The following RPS6KA2 variants were observed in gnomAD, a reference collection of about 807,000 sequenced individuals.
RPS6KA2 encodes ribosomal protein S6 kinase alpha-2.
A neutral mutation model predicts 91.8 loss-of-function variants in RPS6KA2; 42 were observed. The observed-to-expected ratio is 0.46, with a 90% CI of 0.36 to 0.59. RPS6KA2 has a LOEUF of 0.59. Among genes scored for constraint, RPS6KA2 ranks in the 20% least tolerant of loss-of-function variants. The pLI, the probability that RPS6KA2 is intolerant of heterozygous loss-of-function variation, is 0.00. For missense variants in RPS6KA2, 798 were observed against 978.5 expected, an observed-to-expected ratio of 0.82 and a Z score of 2.46; for synonymous variants, 414 against 393.6, an observed-to-expected ratio of 1.05 and a Z score of -0.61.
chr6:166,445,431 C>T lies in RPS6KA2; in HGVS notation c.1332+3293G>A, dbSNP rs184330830. 2.0e-5 allele frequency among the ~76,000 whole-genome samples: 3 copies of T among 152,196 alleles called. No individual in the cohort carries two copies. Among genetic ancestry groups the T allele is most frequent in the South Asian group, 2.1e-4 (1 of 4,832 alleles). ...GCTGAGGCTGGGCTTCTCAACCTTTCGTTGGGGCAGCAGGTTGTGGGGGCT... is the reference window on the plus strand; with the variant it reads ...GCTGAGGCTGGGCTTCTCAACCTTTTGTTGGGGCAGCAGGTTGTGGGGGCT... On this transcript the variant is annotated intron_variant, in intron 14 of 20. Coordinates refer to ENST00000265678, the MANE Select transcript of RPS6KA2 (RefSeq NM_021135.6). This position sits in a 1 kb window ranked among gnomAD's most constrained non-coding sequence, Gnocchi z 4.5.
intron 3 of RPS6KA2, among the ~76,000 whole-genome samples, chr6:166,521,362 C>T (rs571041436): frequency 1.3e-5 from 2 of 152,224 alleles, no homozygotes; most frequent in Non-Finnish European, 2.9e-5. Context: ...ACCGCCAACT[C>T]GTTATGTCCA....
intron 16 of RPS6KA2, among the ~76,000 whole-genome samples, chr6:166,424,521 C>T (rs548022658): frequency 4.6e-5 from 7 of 152,322 alleles, no homozygotes; most frequent in Admixed American, 3.9e-4. Flanking sequence ...TGATACGGTG[C>T]AGCTGCCTCC....
At chr6:166,642,873 CTCAGTG>C (rs1787488740) in intron 2 of RPS6KA2, among the ~76,000 whole-genome samples, 1 of 152,218 alleles carries the variant, frequency 6.6e-6, no homozygotes. Context: ...CAGGCCATTG[CTCAGTG>C]TCACATTTGC....
At chr6:166,520,966 A>T (rs568255020) in intron 3 of RPS6KA2, among the ~76,000 whole-genome samples, 2 of 152,240 alleles carry the variant, frequency 1.3e-5, no homozygotes, top group Non-Finnish European at 2.9e-5. Context: ...AGTAGGGGCC[A>T]CTGGTGCCTG....
intron 9 of RPS6KA2, 100 bp from the exon 10 acceptor site, chr6:166,489,021 C>T (rs1463577832): frequency 1.0e-6 from 1 of 969,700 alleles, no homozygotes; most frequent in East Asian, 2.6e-5. Context: ...TCGCAGTCAC[C>T]CAGAGCAGCC....
At chr6:166,855,791 A>G (rs1780883855) in intron 2 of RPS6KA2, among the ~76,000 whole-genome samples, 1 of 152,236 alleles carries the variant, frequency 6.6e-6, no homozygotes, top group African/African-American at 2.4e-5. Flanking sequence ...CTTCCCACAA[A>G]TACTGCAAAT....
At chr6:166,487,077 C>T (rs186471957) in intron 10 of RPS6KA2, among the ~76,000 whole-genome samples, 111 of 152,304 alleles carry the variant, frequency 7.3e-4, no homozygotes, top group Non-Finnish European at 8.8e-4. Flanking sequence ...GGAAGACCTT[C>T]GGCAAACACC....
At chr6:166,862,484 G>A in exon 1 of RPS6KA2, 2 of 785,062 alleles carry the variant, frequency 2.5e-6, no homozygotes, top group Non-Finnish European at 3.6e-6. Flanking sequence ...AGGAGGGGAC[G>A]GCGCTGCGGC....
chr6:166,858,216 T>G, exon 2 of RPS6KA2: 1 of 1,538,868 alleles, frequency 6.5e-7, no homozygotes, highest in Non-Finnish European at 9.0e-7. Flanking sequence ...TGCAGTGTCT[T>G]CTGTGGTGGG....
Position 166,459,573 on chromosome 6 carries a change from G to A in RPS6KA2, c.973-22C>T. On this transcript the variant is annotated intron_variant, in intron 11 of 20. Coordinates refer to ENST00000265678, the MANE Select transcript of RPS6KA2 (RefSeq NM_021135.6). The surrounding 1 kb of genome is among the most constrained non-coding windows in gnomAD (Gnocchi z 4.9). ...GCGTCTATTAATACAAGGAAAGCAA[G>A]ACAGGGCACTGAGGATGCACAGACA... 6.4e-7 allele frequency: 1 copy of A among 1,565,698 alleles called. No homozygotes were observed.
chr6:166,587,197 A>C (rs1345640374), intron 1 of RPS6KA2, among the ~76,000 whole-genome samples: 1 of 152,250 alleles, frequency 6.6e-6, no homozygotes, highest in Admixed American at 6.5e-5. Flanking sequence ...ATTTTCCTGA[A>C]ACACAAGAGT....
chr6:166,615,176 G>C (rs1414770994), intron 1 of RPS6KA2, among the ~76,000 whole-genome samples: 1 of 152,120 alleles, frequency 6.6e-6, no homozygotes, highest in Non-Finnish European at 1.5e-5. Context: ...CAGAAGTTCA[G>C]TTCTGATAAT....
chr6:166,418,361 T>A lies in RPS6KA2; in HGVS notation c.1821-19A>T. ...GGTAAATCTGTATAATTAGACAAAT[T>A]TGTGGTAATGAGCTTGTATTTTACA... On this transcript the variant is annotated intron_variant, in intron 18 of 20. Coordinates refer to ENST00000265678, the MANE Select transcript of RPS6KA2 (RefSeq NM_021135.6). This position sits in a 1 kb window ranked among gnomAD's most constrained non-coding sequence, Gnocchi z 4.9. 2 of 1,566,582 alleles carry A rather than the reference T, an allele frequency of 1.3e-6. No individual in the cohort carries two copies. Among genetic ancestry groups the A allele is most frequent in the Non-Finnish European group, 8.8e-7 (1 of 1,138,336 alleles).
chr6:166,591,406 T>C (rs1327559936), intron 1 of RPS6KA2, among the ~76,000 whole-genome samples: 1 of 152,202 alleles, frequency 6.6e-6, no homozygotes, highest in Non-Finnish European at 1.5e-5. Context: ...ACGTGTTGCA[T>C]GTCTTGACTT....
At chr6:166,862,512 G>C (rs1247731830) in exon 1 of RPS6KA2, 1 of 463,014 alleles carries the variant, frequency 2.2e-6, no homozygotes, top group African/African-American at 2.0e-5. Context: ...TCTGTACTGC[G>C]ACTTTGGCAG....
intron 2 of RPS6KA2, among the ~76,000 whole-genome samples, chr6:166,813,807 A>G (rs1431235705): frequency 3.3e-5 from 5 of 152,278 alleles, no homozygotes; most frequent in South Asian, 4.1e-4. Flanking sequence ...TCTTTTTTCA[A>G]AAGGAAATAG....
At chr6:166,458,346 T>C (rs9457171) in intron 12 of RPS6KA2, among the ~76,000 whole-genome samples, 42,777 of 152,036 alleles carry the variant, frequency 0.28, 6,449 homozygotes, top group East Asian at 0.52. Context: ...GGAGTTTCCC[T>C]GCACAAGCTC....
In RPS6KA2 at chr6:166,557,478, A is replaced by T. The variant is rs993662358; in HGVS notation, c.100-18694T>A. ...CTGTTTACAGGGATTGAGAGAAATG[A>T]ATGGATTGAATTATGCTAATATCTT... On this transcript the variant is annotated intron_variant, in intron 1 of 20. Transcript: ENST00000265678. This position sits in a 1 kb window ranked among gnomAD's most constrained non-coding sequence, Gnocchi z 4.8. Among the ~76,000 whole-genome samples the T allele has an allele frequency of 6.6e-6, 1 of 152,228 alleles. No individual in the cohort carries two copies. The highest frequency in any genetic ancestry group is 2.4e-5 in the African/African-American group (1 of 41,464).
chr6:166,703,906 T>C (rs1165003411), intron 2 of RPS6KA2, among the ~76,000 whole-genome samples: 1 of 152,238 alleles, frequency 6.6e-6, no homozygotes, highest in African/African-American at 2.4e-5. Context: ...GGACTTACAA[T>C]GAAATAGAAT....
Sources: gnomAD v4.1 joint callset for allele counts (sites outside exome capture counted in the v4.1 genomes callset) on GRCh38, gnomAD v4.1.1 for gene constraint, Gnocchi (gnomAD v3.1) non-coding constraint, MANE v1.5 for transcripts, NCBI Gene and HGNC (gene_info 2026-07-23, HGNC 2026-07-21) for gene names.